Variants in PLD1 observed in about 807,000 individuals in gnomAD.
The protein encoded by PLD1 is choline phosphatase 1.
A neutral mutation model predicts 137.1 loss-of-function variants in PLD1; 112 were observed. The ratio of observed to expected loss-of-function variants is 0.82; its 90% CI spans 0.70 to 0.96. PLD1 has a LOEUF of 0.96. Ranked by LOEUF, PLD1 falls within the 40% of genes least tolerant of loss-of-function variation. The pLI, the probability that PLD1 is intolerant of heterozygous loss-of-function variation, is 0.00. For missense variants in PLD1, 1,321 were observed against 1,342.0 expected (o/e 0.98, Z 0.24); for synonymous variants, 431 against 454.7 (o/e 0.95, Z 0.66).
At chr3:171,752,278 A>G (rs1296263461) in intron 1 of PLD1, among the ~76,000 whole-genome samples, 1 of 152,264 alleles carries the variant, frequency 6.6e-6, no homozygotes, top group African/African-American at 2.4e-5. Context: ...AATTGAGGAA[A>G]TGATACACAA....
intron 21 of PLD1, among the ~76,000 whole-genome samples, chr3:171,646,068 G>C (rs1736188319): frequency 6.6e-6 from 1 of 151,922 alleles, no homozygotes. Flanking sequence ...TCTCTTTGAC[G>C]GGCATTCAGA....
At chr3:171,645,141 G>T in intron 21 of PLD1, 118 bp from the exon 22 acceptor site, 1 of 698,916 alleles carries the variant, frequency 1.4e-6, no homozygotes, top group Admixed American at 2.0e-5. Flanking sequence ...CCTACAACAC[G>T]TTCTGTCACA....
In PLD1 at chr3:171,614,600, A is replaced by ATG. The variant is rs1470085022; in HGVS notation, c.2729-2170_2729-2169dup. 9.2e-5 allele frequency among the ~76,000 whole-genome samples: 14 copies of ATG among 152,364 alleles called. 1 individual carries two copies. The highest frequency in any genetic ancestry group is 9.1e-4 in the Admixed American group (14 of 15,310). ...CCATAGGAACCGACCATTTGATGGA[A>ATG]TGTAGCATTTGTTTAAAGAAGCCTC... is the stretch of plus-strand genomic sequence containing the variant. On this transcript the variant is annotated intron_variant, in intron 24 of 26. Coordinates refer to ENST00000351298, the MANE Select transcript of PLD1 (RefSeq NM_002662.5).
intron 1 of PLD1, among the ~76,000 whole-genome samples, chr3:171,770,182 A>T (rs1378909864): frequency 6.6e-6 from 1 of 151,986 alleles, no homozygotes; most frequent in Non-Finnish European, 1.5e-5. Context: ...TACAAGTCAC[A>T]CTCCATTTTT....
intron 6 of PLD1, among the ~76,000 whole-genome samples, chr3:171,726,965 C>T (rs1257110460): frequency 2.0e-5 from 3 of 152,188 alleles, no homozygotes; most frequent in Non-Finnish European, 2.9e-5. Context: ...GCATCTACTT[C>T]GCTCTGCTGT....
rs754454501 is a variant in PLD1 at position 171,764,972 on chromosome 3, A to AAG, written c.-31-26892_-31-26891dup. On this transcript the variant is annotated intron_variant, in intron 1 of 26. Transcript: ENST00000351298. ...AAAGAAAGAAAGAAAGAAAGAAAGA[A>AAG]AGAAAGAAAGAAAGAAAGAAAGAAA... Among the ~76,000 whole-genome samples, 4 of 112,434 alleles carry AAG rather than the reference A, an allele frequency of 3.6e-5. 1 individual carries two copies. The highest frequency in any genetic ancestry group is 1.1e-4 in the African/African-American group (4 of 34,890). 73.8% of individuals were successfully genotyped at this position (112,434 alleles called of 152,430 possible).
intron 23 of PLD1, among the ~76,000 whole-genome samples, chr3:171,636,898 C>T (rs1037847562): frequency 1.3e-5 from 2 of 152,164 alleles, no homozygotes; most frequent in Non-Finnish European, 2.9e-5. Flanking sequence ...TATGTGACAT[C>T]TACACATACC....
chr3:171,625,006 G>C (rs1156776873), intron 23 of PLD1, among the ~76,000 whole-genome samples: 2 of 151,880 alleles, frequency 1.3e-5, no homozygotes, highest in African/African-American at 4.8e-5. Flanking sequence ...TTTTTGTATA[G>C]TTCTGGCTAT....
At chr3:171,674,693 C>A (rs376105593) in intron 18 of PLD1, 80 bp from the exon 19 acceptor site, 1 of 815,202 alleles carries the variant, frequency 1.2e-6, no homozygotes, top group Non-Finnish European at 2.0e-6. Flanking sequence ...AAAAGAAATT[C>A]ATGCCCAGGT....
intron 1 of PLD1, among the ~76,000 whole-genome samples, chr3:171,744,785 AT>A (rs1720027245): frequency 6.6e-6 from 1 of 152,262 alleles, no homozygotes; most frequent in South Asian, 2.1e-4. Context: ...TAAGTATGTC[AT>A]TAGGATACTT....
chr3:171,722,837 T>C (rs1009391193), intron 8 of PLD1, among the ~76,000 whole-genome samples: 2 of 152,050 alleles, frequency 1.3e-5, no homozygotes, highest in African/African-American at 4.8e-5. Context: ...CCATGAATGG[T>C]CTTCATTTCT....
Position 171,792,097 on chromosome 3 carries a change from G to A in PLD1, c.-32+18302C>T, listed in dbSNP as rs116054862. The A allele has an allele frequency of 7.0e-3, 1,084 of 155,696 alleles. 6 individuals are homozygous for A. Among genetic ancestry groups the A allele is most frequent in the Middle Eastern group, 0.025 (8 of 316 alleles). 9.6% of individuals were successfully genotyped at this position (155,696 alleles called of 1,614,324 possible). On this transcript the variant is annotated intron_variant, in intron 1 of 26. Coordinates refer to ENST00000351298, the MANE Select transcript of PLD1 (RefSeq NM_002662.5). Reference sequence around the variant, plus strand: ...TCCTCACAGGGAGGTGAGTCTCATAGATACTCATTCATACCCACAGCTTTA... The same window carrying A: ...TCCTCACAGGGAGGTGAGTCTCATAAATACTCATTCATACCCACAGCTTTA...
chr3:171,609,341 G>C (rs1732455919), intron 25 of PLD1, among the ~76,000 whole-genome samples: 1 of 152,048 alleles, frequency 6.6e-6, no homozygotes, highest in Non-Finnish European at 1.5e-5. Flanking sequence ...ACTTCTCAAA[G>C]AGCTAAATAT....
chr3:171,612,843 G>A lies in PLD1; in HGVS notation c.2729-411C>T, dbSNP rs1250213737. On this transcript the variant is annotated intron_variant, in intron 24 of 26. Coordinates refer to ENST00000351298, the MANE Select transcript of PLD1 (RefSeq NM_002662.5). This position sits in a 1 kb window ranked among gnomAD's most constrained non-coding sequence, Gnocchi z 4.1. ...CTGCAGCCATTTCACAACCACTAGAGAACAAACAAAAAAGCTTAAAGAAAA... is the reference window on the plus strand; with the variant it reads ...CTGCAGCCATTTCACAACCACTAGAAAACAAACAAAAAAGCTTAAAGAAAA... Among the ~76,000 whole-genome samples the A allele has an allele frequency of 6.6e-6, 1 of 152,022 alleles. No homozygotes were observed. Among genetic ancestry groups the A allele is most frequent in the African/African-American group, 2.4e-5 (1 of 41,372 alleles).
chr3:171,638,447 A>G (rs1286894559), intron 23 of PLD1, among the ~76,000 whole-genome samples: 1 of 152,272 alleles, frequency 6.6e-6, no homozygotes, highest in East Asian at 1.9e-4. Context: ...TTACGGGACC[A>G]CCATCATGCT....
chr3:171,727,262 A>C (rs189826295), intron 6 of PLD1, among the ~76,000 whole-genome samples: 94 of 152,362 alleles, frequency 6.2e-4, no homozygotes, highest in Admixed American at 1.4e-3. Flanking sequence ...TCACATAGTT[A>C]AGAAGGGATT....
chr3:171,752,861 G>A (rs962051821), intron 1 of PLD1, among the ~76,000 whole-genome samples: 4 of 152,164 alleles, frequency 2.6e-5, no homozygotes, highest in Non-Finnish European at 5.9e-5. Flanking sequence ...ACAACTTTTA[G>A]ACTGAAGAAA....
In PLD1 at chr3:171,620,736, CTCTCTCTATATATA is replaced by C. The variant is rs1409816379; in HGVS notation, c.2594-230_2594-217del. Among the ~76,000 whole-genome samples the C allele has an allele frequency of 2.9e-4, 22 of 76,930 alleles. No homozygotes were observed. The South Asian group carries it at 9.8e-3, about 34-fold the overall frequency. The allele number at this position is 76,930 out of a possible 152,430, so 50.5% of individuals were successfully genotyped here. ...AATGGCTTTCTCTCTCTCTCTCTCT[CTCTCTCTATATATA>C]TATATATATATATATATATTATATA... On this transcript the variant is annotated intron_variant, in intron 23 of 26. Transcript: ENST00000351298.
At chr3:171,613,371 C>A (rs77333072) in intron 24 of PLD1, among the ~76,000 whole-genome samples, 26,504 of 152,050 alleles carry the variant, frequency 0.17, 2,406 homozygotes, top group South Asian at 0.24. Flanking sequence ...CTAACTGTTA[C>A]AATCATCAAG....
Sources: allele counts gnomAD v4.1 joint callset (sites outside exome capture counted in the v4.1 genomes callset), GRCh38; gene constraint gnomAD v4.1.1; non-coding constraint Gnocchi (gnomAD v3.1); transcripts MANE v1.5; gene names NCBI Gene and HGNC (gene_info 2026-07-23, HGNC 2026-07-21).